ANO3: variants seen among roughly 807,000 people sequenced by gnomAD.
ANO3 encodes anoctamin-3.
Under a neutral mutation model 144.8 loss-of-function variants are expected in ANO3, and 99 were observed. The observed-to-expected ratio is 0.68, with a 90% CI of 0.58 to 0.81. The LOEUF (loss-of-function observed/expected upper bound fraction) is 0.81, where lower values mean the gene tolerates loss of function less well. Among genes scored for constraint, ANO3 ranks in the 30% least tolerant of loss-of-function variants. The pLI, the probability that ANO3 is intolerant of heterozygous loss-of-function variation, is 0.00. For synonymous variants in ANO3, 414 were observed against 392.6 expected (o/e 1.05, Z -0.64); for missense variants, 905 against 1,202.2 (o/e 0.75, Z 3.66).
At chr11:26,233,555 C>T (rs963696756) in intron 1 of ANO3, among the ~76,000 whole-genome samples, 1 of 152,096 alleles carries the variant, frequency 6.6e-6, no homozygotes, top group Non-Finnish European at 1.5e-5. Flanking sequence ...GGATCTAGAA[C>T]CAGAAATACC....
chr11:26,426,912 G>C (rs1462872651), intron 1 of ANO3: 3 of 152,266 alleles, frequency 2.0e-5, no homozygotes, highest in African/African-American at 7.2e-5. Context: ...CTGTCCAGTG[G>C]CTACACTCAC....
chr11:26,495,924 C>T (rs1860919425), intron 4 of ANO3, among the ~76,000 whole-genome samples: 1 of 152,142 alleles, frequency 6.6e-6, no homozygotes, highest in African/African-American at 2.4e-5. Flanking sequence ...TCCTAATTTC[C>T]ATGTGTATGG....
At chr11:26,654,507 A>G (rs1266983628) in intron 24 of ANO3, among the ~76,000 whole-genome samples, 2 of 152,104 alleles carry the variant, frequency 1.3e-5, no homozygotes, top group Non-Finnish European at 2.9e-5. Context: ...AATGGTTTTT[A>G]GATTATTTTA....
chr11:26,632,626 C>T (rs1172440465), intron 18 of ANO3, among the ~76,000 whole-genome samples: 1 of 150,014 alleles, frequency 6.7e-6, no homozygotes, highest in Non-Finnish European at 1.5e-5. Context: ...TGTACAAACA[C>T]ACACACACAC....
intron 3 of ANO3, among the ~76,000 whole-genome samples, chr11:26,449,847 CG>C (rs1420517706): frequency 4.6e-5 from 7 of 151,828 alleles, no homozygotes; most frequent in African/African-American, 1.7e-4. Context: ...ACCTCTGCCT[CG>C]GGTTCAAGCA....
intron 1 of ANO3, among the ~76,000 whole-genome samples, chr11:26,211,754 T>C (rs1851937900): frequency 6.6e-6 from 1 of 152,028 alleles, no homozygotes. Flanking sequence ...ATAAAGACAC[T>C]ATAACATGTT....
chr11:26,472,002 T>G (rs1565045366), intron 4 of ANO3, among the ~76,000 whole-genome samples: 1 of 151,908 alleles, frequency 6.6e-6, no homozygotes, highest in Non-Finnish European at 1.5e-5. Context: ...CTGCAATAAC[T>G]TCTCTGCAAA....
At chr11:26,629,734 C>T (rs763820443) in intron 18 of ANO3, among the ~76,000 whole-genome samples, 2 of 152,132 alleles carry the variant, frequency 1.3e-5, no homozygotes, top group Non-Finnish European at 2.9e-5. Context: ...CAGGTTCAAG[C>T]AGTCCTCTTG....
At chr11:26,586,503 CTT>C (rs550057766) in intron 14 of ANO3, among the ~76,000 whole-genome samples, 5 of 81,452 alleles carry the variant, frequency 6.1e-5, no homozygotes, top group Admixed American at 1.6e-4. Context: ...TGGTGAGAAT[CTT>C]TTTTTTTTTT....
intron 3 of ANO3, among the ~76,000 whole-genome samples, chr11:26,447,267 A>G (rs1317245708): frequency 6.7e-6 from 1 of 149,952 alleles, no homozygotes; most frequent in Admixed American, 6.6e-5. Flanking sequence ...TGATGGCACG[A>G]TGGATAAACA....
At chr11:26,472,721 C>A (rs1406916995) in intron 4 of ANO3, among the ~76,000 whole-genome samples, 1 of 151,762 alleles carries the variant, frequency 6.6e-6, no homozygotes, top group Non-Finnish European at 1.5e-5. Flanking sequence ...TTAGTTAGAT[C>A]CTGATAAATT....
intron 3 of ANO3, among the ~76,000 whole-genome samples, chr11:26,454,308 A>G (rs985824825): frequency 7.9e-5 from 12 of 152,204 alleles, no homozygotes; most frequent in African/African-American, 2.9e-4. Flanking sequence ...TGAAAGGATC[A>G]ACAAAATTGA....
intron 14 of ANO3, among the ~76,000 whole-genome samples, chr11:26,581,081 A>C (rs1425089390): frequency 6.6e-6 from 1 of 152,224 alleles, no homozygotes; most frequent in Non-Finnish European, 1.5e-5. Flanking sequence ...TGTTTGAAAT[A>C]AACCATGGAA....
chr11:26,568,505 A>G (rs1309999781), intron 14 of ANO3, among the ~76,000 whole-genome samples: 1 of 151,816 alleles, frequency 6.6e-6, no homozygotes, highest in East Asian at 1.9e-4. Context: ...TCCAAATTTA[A>G]TTATTTTAAC....
At chr11:26,310,040 T>C (rs887068220) in intron 1 of ANO3, among the ~76,000 whole-genome samples, 2 of 152,148 alleles carry the variant, frequency 1.3e-5, no homozygotes, top group African/African-American at 4.8e-5. Context: ...CAGTAAGCAT[T>C]AATAAATTAA....
chr11:26,345,636 C>T (rs1045958255), intron 1 of ANO3, among the ~76,000 whole-genome samples: 20 of 152,298 alleles, frequency 1.3e-4, no homozygotes, highest in South Asian at 2.1e-4. Flanking sequence ...CTGAAGTTTA[C>T]TTCTACCAAG....
chr11:26,257,987 G>T (rs922785796), intron 1 of ANO3, among the ~76,000 whole-genome samples: 1 of 151,940 alleles, frequency 6.6e-6, no homozygotes, highest in African/African-American at 2.4e-5. Flanking sequence ...ATAAATCCAA[G>T]AATTATCAAA....
intron 1 of ANO3, among the ~76,000 whole-genome samples, chr11:26,302,517 GA>G (rs1178591410): frequency 2.0e-5 from 3 of 151,804 alleles, no homozygotes; most frequent in African/African-American, 7.3e-5. Flanking sequence ...TAATAAAAAG[GA>G]AAAATGACAG....
At chr11:26,425,054 C>G (rs755548793) in intron 1 of ANO3, among the ~76,000 whole-genome samples, 10 of 151,838 alleles carry the variant, frequency 6.6e-5, no homozygotes, top group Non-Finnish European at 1.5e-4. Context: ...ACAAGAGGCC[C>G]CGGGGTGTGA....
Sources: gnomAD v4.1 joint callset for allele counts (sites outside exome capture counted in the v4.1 genomes callset) on GRCh38, gnomAD v4.1.1 for gene constraint, MANE v1.5 for transcripts, NCBI Gene and HGNC (gene_info 2026-07-23, HGNC 2026-07-21) for gene names.